E2F6: variants seen among roughly 807,000 people sequenced by gnomAD.
The protein encoded by E2F6 is transcription factor E2F6.
Under a neutral mutation model 31.5 loss-of-function variants are expected in E2F6, and 19 were observed. That is an observed-to-expected ratio of 0.60 (90% CI 0.42 to 0.89). The LOEUF (loss-of-function observed/expected upper bound fraction) is 0.89. E2F6 is among the 40% of genes least tolerant of loss of function. E2F6 has a pLI of 0.00. For synonymous variants in E2F6, 121 were observed against 127.7 expected (o/e 0.95, Z 0.36); for missense variants, 269 against 341.6 (o/e 0.79, Z 1.67).
At chr2:11,450,156 A>G in intron 4 of E2F6, 30 bp from the exon 5 acceptor site, 1 of 1,469,690 alleles carries the variant, frequency 6.8e-7, no homozygotes, top group Non-Finnish European at 9.4e-7. Flanking sequence ...CTCTACACAG[A>G]ATGCTGTTTA....
intron 4 of E2F6, chr2:11,451,272 A>T: frequency 6.2e-6 from 1 of 160,810 alleles, no homozygotes; most frequent in Non-Finnish European, 1.3e-5. Flanking sequence ...ATTTAATCTA[A>T]GAAATGCCAC....
intron 6 of E2F6, 130 bp from the exon 7 acceptor site, chr2:11,446,653 C>T (rs1320912869): frequency 4.2e-6 from 3 of 717,926 alleles, no homozygotes; most frequent in African/African-American, 3.6e-5. Flanking sequence ...GTCAAGAACA[C>T]GTATTCTCAG....
chr2:11,463,379 T>A (rs925041502), intron 1 of E2F6, among the ~76,000 whole-genome samples: 5 of 152,204 alleles, frequency 3.3e-5, no homozygotes, highest in African/African-American at 9.6e-5. Context: ...AATAACATTT[T>A]CTTTTCTTTA....
At chr2:11,454,702 T>C (rs1247604183) in intron 2 of E2F6, among the ~76,000 whole-genome samples, 1 of 151,278 alleles carries the variant, frequency 6.6e-6, no homozygotes, top group South Asian at 2.1e-4. Flanking sequence ...ATTTAACAGA[T>C]AGACAAAAAA....
intron 3 of E2F6, 82 bp from the exon 4 acceptor site, chr2:11,451,888 C>T (rs1350203522): frequency 2.2e-6 from 3 of 1,339,982 alleles, no homozygotes; most frequent in African/African-American, 3.0e-5. Context: ...GGAACTTCTC[C>T]AAATGTTTGC....
intron 2 of E2F6, among the ~76,000 whole-genome samples, chr2:11,455,887 T>C (rs1000702276): frequency 1.3e-5 from 2 of 151,962 alleles, no homozygotes; most frequent in African/African-American, 4.8e-5. Context: ...TTGATGGGAG[T>C]ACACTGGGCA....
chr2:11,457,325 T>C, intron 1 of E2F6, 92 bp from the exon 2 acceptor site: 1 of 816,574 alleles, frequency 1.2e-6, no homozygotes, highest in African/African-American at 1.7e-5. Flanking sequence ...GGTCTGGGAA[T>C]ATGAATATGA....
chr2:11,445,323 C>CT lies in E2F6; in HGVS notation c.*1153dup, dbSNP rs1309307277. 1 of 152,664 alleles carries CT rather than the reference C, an allele frequency of 6.6e-6. No individual in the cohort carries two copies. The highest frequency in any genetic ancestry group is 1.9e-4 in the East Asian group (1 of 5,202). The allele number at this position is 152,664 out of a possible 1,614,324, so 9.5% of individuals were successfully genotyped here. On this transcript the variant is annotated 3_prime_UTR_variant, in exon 7 of 7. Coordinates refer to ENST00000381525, the MANE Select transcript of E2F6 (RefSeq NM_198256.4). The stretch of plus-strand genomic sequence containing the variant: ...TTGTTCAGACATTTATTGAGCACTT[C>CT]TTAAGGGCCAGGCATGGTGTGAGGC...
chr2:11,464,303 A>G (rs1406263548), intron 1 of E2F6, among the ~76,000 whole-genome samples: 2 of 151,984 alleles, frequency 1.3e-5, no homozygotes, highest in African/African-American at 2.4e-5. Flanking sequence ...TCACGAGGTC[A>G]GGAGATTGAG....
chr2:11,460,302 A>T (rs1208264382), intron 1 of E2F6, among the ~76,000 whole-genome samples: 2 of 86,284 alleles, frequency 2.3e-5, no homozygotes, highest in Non-Finnish European at 4.6e-5. Flanking sequence ...ATTCTCACCC[A>T]TTCAAATTTT....
Position 11,445,313 on chromosome 2 carries a change from T to C in E2F6, c.*1164A>G, listed in dbSNP as rs1360638290. 3 of 152,640 alleles carry C rather than the reference T, an allele frequency of 2.0e-5. No individual in the cohort carries two copies. The highest frequency in any genetic ancestry group is 2.9e-5 in the Non-Finnish European group (2 of 68,056). The allele number at this position is 152,640 out of a possible 1,614,324, so 9.5% of individuals were successfully genotyped here. On this transcript the variant is annotated 3_prime_UTR_variant, in exon 7 of 7. Transcript: ENST00000381525. The stretch of plus-strand genomic sequence containing the variant: ...ACTCACTTATTTGTTCAGACATTTA[T>C]TGAGCACTTCTTAAGGGCCAGGCAT...
chr2:11,455,354 A>C, intron 2 of E2F6: 2 of 1,196,530 alleles, frequency 1.7e-6, no homozygotes, highest in South Asian at 3.4e-5. Flanking sequence ...TCAGTCAGAA[A>C]TGTCCTTACT....
rs1411970203 is a variant in E2F6 at position 11,465,757 on chromosome 2, C to G, written c.108+15G>C. On this transcript the variant is annotated intron_variant, in intron 1 of 6. Transcript: ENST00000381525. Reference sequence around the variant, plus strand: ...GGGAGACCACCGCCCGTCCCCGTCCCGTCCCGGAGCTTACCAGCAGGCCCT... The same window carrying G: ...GGGAGACCACCGCCCGTCCCCGTCCGGTCCCGGAGCTTACCAGCAGGCCCT... 5 of 1,576,384 alleles carry G rather than the reference C, an allele frequency of 3.2e-6. No individual in the cohort carries two copies. The highest frequency in any genetic ancestry group is 1.2e-5 in the South Asian group (1 of 86,036).
intron 1 of E2F6, among the ~76,000 whole-genome samples, chr2:11,463,239 A>C (rs2148365059): frequency 6.6e-6 from 1 of 152,318 alleles, no homozygotes; most frequent in East Asian, 1.9e-4. Flanking sequence ...GCCACCCCTT[A>C]GAGAGCAAAA....
chr2:11,451,348 CTTTTTTT>C, intron 4 of E2F6: 1 of 105,190 alleles, frequency 9.5e-6, no homozygotes. Flanking sequence ...TTTTACCTAA[CTTTTTTT>C]TTTTTTTTTT....
Position 11,465,845 on chromosome 2 carries a change from C to T in E2F6, c.35G>A (p.Ser12Asn). ...SQQRPARKLP[S>N]LLLDPTEETV... is the part of the protein sequence containing the mutation. ...CTCCTCCGTCGGGTCCAGGAGGAGA[C>T]TGGGTAACTTCCTCGCCGGCCGCTG... Residue 12 changes from serine to asparagine, a missense_variant, in exon 1 of 7, where the codon AGT becomes AAT. Ser to Asn is a conservative substitution (Grantham distance 46). Coordinates refer to ENST00000381525, the MANE Select transcript of E2F6 (RefSeq NM_198256.4). 5 of 1,587,088 alleles carry T rather than the reference C, an allele frequency of 3.2e-6. No homozygotes were observed. Among genetic ancestry groups the T allele is most frequent in the Non-Finnish European group, 3.4e-6 (4 of 1,167,760 alleles).
At position 11,456,875 on chromosome 2, in the gene E2F6, C is replaced by T. The variant is rs1671438998; in HGVS notation, c.163+304G>A. On this transcript the variant is annotated intron_variant, in intron 2 of 6. Coordinates refer to ENST00000381525, the MANE Select transcript of E2F6 (RefSeq NM_198256.4). ...GCCATTTACATCCTATCGCCTCTAA[C>T]AGATACCCTAAACATTAACCTAAGA... 8 of 322,578 alleles carry T rather than the reference C, an allele frequency of 2.5e-5. No homozygotes were observed. In the South Asian group the frequency reaches 2.8e-4, roughly 11 times the overall value. The allele number at this position is 322,578 out of a possible 1,614,324, so 20.0% of individuals were successfully genotyped here.
intron 1 of E2F6, among the ~76,000 whole-genome samples, chr2:11,462,484 AC>A (rs1345704861): frequency 6.6e-6 from 1 of 152,186 alleles, no homozygotes; most frequent in Non-Finnish European, 1.5e-5. Context: ...GATCTTAGCG[AC>A]CTCAGAATAA....
Position 11,453,371 on chromosome 2 carries a change from T to C in E2F6, c.380+211A>G, listed in dbSNP as rs145875876. Among the ~76,000 whole-genome samples, 940 of 152,310 alleles carry C rather than the reference T, an allele frequency of 6.2e-3. 4 individuals are homozygous for C. The highest frequency in any genetic ancestry group is 0.022 in the African/African-American group (896 of 41,574). ...TTACAACCTTAACAAATTTTCCCAATATCAATAATCAATTGGAACTGAGGA... is the reference window on the plus strand; with the variant it reads ...TTACAACCTTAACAAATTTTCCCAACATCAATAATCAATTGGAACTGAGGA... On this transcript the variant is annotated intron_variant, in intron 3 of 6. Coordinates refer to ENST00000381525, the MANE Select transcript of E2F6 (RefSeq NM_198256.4).
Sources: gnomAD v4.1 joint callset for allele counts (sites outside exome capture counted in the v4.1 genomes callset) on GRCh38, gnomAD v4.1.1 for gene constraint, MANE v1.5 for transcripts, NCBI Gene and HGNC (gene_info 2026-07-23, HGNC 2026-07-21) for gene names.